Variants in PDE1A observed in about 807,000 individuals in gnomAD.
PDE1A encodes the protein phosphodiesterase 1A, also known as dual specificity calcium/calmodulin-dependent 3',5'-cyclic nucleotide phosphodiesterase 1A.
PDE1A carries 35 observed loss-of-function variants against 61.7 expected under a neutral mutation model. The ratio of observed to expected loss-of-function variants is 0.57; its 90% CI spans 0.43 to 0.75. The LOEUF is 0.75. Ranked by LOEUF, PDE1A falls within the 30% of genes least tolerant of loss-of-function variation. The pLI is 0.00. For missense variants in PDE1A, 597 were observed against 630.6 expected, an observed-to-expected ratio of 0.95 and a Z score of 0.57; for synonymous variants, 232 against 213.2, an observed-to-expected ratio of 1.09 and a Z score of -0.77.
rs1235561155 is a variant in PDE1A at position 182,465,482 on chromosome 2, T to C, written c.101+56794A>G. Reference sequence around the variant, plus strand: ...ATTCAATTAAGAGTTGTAGAATTCCTAATGAACCACAGGAATTAAAAATTT... The same window carrying C: ...ATTCAATTAAGAGTTGTAGAATTCCCAATGAACCACAGGAATTAAAAATTT... On this transcript the variant is annotated intron_variant, in intron 2 of 14. Transcript: ENST00000410103. Among the ~76,000 whole-genome samples the C allele has an allele frequency of 2.1e-4, 32 of 152,084 alleles. 1 individual carries two copies.
At chr2:182,670,835 G>C in the PDE1A span, among the ~76,000 whole-genome samples, 4 of 152,238 alleles carry the variant, frequency 2.6e-5, no homozygotes, top group South Asian at 8.3e-4. Context: ...GAGGCGGGTG[G>C]TGGATGGAAT....
intron 2 of PDE1A, among the ~76,000 whole-genome samples, chr2:182,469,213 A>G (rs956605499): frequency 9.9e-5 from 15 of 151,960 alleles, no homozygotes; most frequent in African/African-American, 3.4e-4. Flanking sequence ...TCTTCTTCCA[A>G]TAGAAATCTG....
intron 13 of PDE1A, among the ~76,000 whole-genome samples, chr2:182,178,534 G>C (rs1308346368): frequency 1.3e-5 from 2 of 152,090 alleles, no homozygotes; most frequent in African/African-American, 4.8e-5. Context: ...TGCATTTTGA[G>C]TTATTTCCGA....
chr2:182,377,855 T>G (rs1700501509), intron 1 of PDE1A, among the ~76,000 whole-genome samples: 1 of 152,054 alleles, frequency 6.6e-6, no homozygotes, highest in South Asian at 2.1e-4. Context: ...TCAGACAGTT[T>G]TTTTTTTTTT....
chr2:182,627,432 A>C, the PDE1A span, among the ~76,000 whole-genome samples: 1 of 128,166 alleles, frequency 7.8e-6, no homozygotes, highest in Non-Finnish European at 1.6e-5. Context: ...ATATTTAAAT[A>C]TATATATATA....
the PDE1A span, among the ~76,000 whole-genome samples, chr2:182,609,467 C>T: frequency 2.0e-5 from 3 of 152,230 alleles, no homozygotes; most frequent in Non-Finnish European, 2.9e-5. Flanking sequence ...TCCACACTTC[C>T]TTTATGAGTT....
At chr2:182,479,564 C>T (rs938602260) in intron 2 of PDE1A, among the ~76,000 whole-genome samples, 4 of 151,472 alleles carry the variant, frequency 2.6e-5, no homozygotes, top group African/African-American at 9.7e-5. Flanking sequence ...GACAGCCAGA[C>T]TTAGGACACA....
At chr2:182,693,612 G>A in the PDE1A span, among the ~76,000 whole-genome samples, 8 of 141,544 alleles carry the variant, frequency 5.7e-5, no homozygotes, top group East Asian at 1.6e-3. Flanking sequence ...TCGGTGTGTT[G>A]TCTGGTCACT....
the PDE1A span, among the ~76,000 whole-genome samples, chr2:182,576,033 G>C: frequency 6.7e-6 from 1 of 150,298 alleles, no homozygotes; most frequent in African/African-American, 2.4e-5. Flanking sequence ...TACATTATCT[G>C]ATTTGCTTTT....
At chr2:182,246,549 G>C (rs1027696769) in intron 2 of PDE1A, among the ~76,000 whole-genome samples, 4 of 151,212 alleles carry the variant, frequency 2.6e-5, no homozygotes, top group Non-Finnish European at 4.4e-5. Context: ...GATTACAGGC[G>C]TGCCACCACA....
chr2:182,422,759 T>A (rs2125589623), intron 1 of PDE1A, among the ~76,000 whole-genome samples: 1 of 152,282 alleles, frequency 6.6e-6, no homozygotes, highest in East Asian at 1.9e-4. Flanking sequence ...TCTCTGGGAA[T>A]ATAGAAACAA....
intron 1 of PDE1A, among the ~76,000 whole-genome samples, chr2:182,271,260 G>A (rs541524258): frequency 6.7e-6 from 1 of 149,466 alleles, no homozygotes; most frequent in South Asian, 2.1e-4. Flanking sequence ...TCATTTCACT[G>A]TATATGTATA....
downstream of PDE1A, among the ~76,000 whole-genome samples, chr2:182,145,482 C>G (rs1380298587): frequency 6.6e-6 from 1 of 152,178 alleles, no homozygotes; most frequent in African/African-American, 2.4e-5. Flanking sequence ...AATCCTAACA[C>G]TTTGGGAGGC....
downstream of PDE1A, among the ~76,000 whole-genome samples, chr2:182,164,258 C>T (rs1574529120): frequency 6.6e-6 from 1 of 152,114 alleles, no homozygotes; most frequent in Non-Finnish European, 1.5e-5. Context: ...ACTCCTTCTA[C>T]ACTGCCTCCT....
At chr2:182,297,297 A>T (rs375880660) in intron 1 of PDE1A, among the ~76,000 whole-genome samples, 6 of 144,716 alleles carry the variant, frequency 4.1e-5, no homozygotes, top group Non-Finnish European at 9.2e-5. Flanking sequence ...AAAAAAAAAA[A>T]TCCTACTAAC....
intron 10 of PDE1A, among the ~76,000 whole-genome samples, chr2:182,198,125 G>T (rs895605510): frequency 6.6e-6 from 1 of 151,638 alleles, no homozygotes; most frequent in African/African-American, 2.4e-5. Context: ...TTAATTAAAG[G>T]TTTCCCCCAA....
intron 7 of PDE1A, among the ~76,000 whole-genome samples, chr2:182,208,199 TAAAG>T (rs1387846103): frequency 6.6e-6 from 1 of 152,112 alleles, no homozygotes; most frequent in Non-Finnish European, 1.5e-5. Context: ...CACAATGTCA[TAAAG>T]ATAGTACCTG....
At chr2:182,333,022 A>G (rs1270581600) in intron 1 of PDE1A, among the ~76,000 whole-genome samples, 1 of 152,238 alleles carries the variant, frequency 6.6e-6, no homozygotes, top group Non-Finnish European at 1.5e-5. Flanking sequence ...TGCAACAAGA[A>G]GAGCTAACTA....
intron 1 of PDE1A, among the ~76,000 whole-genome samples, chr2:182,292,338 A>T (rs1462972443): frequency 6.6e-6 from 1 of 152,000 alleles, no homozygotes; most frequent in Non-Finnish European, 1.5e-5. Flanking sequence ...GTGTCTATAG[A>T]TCTAACAATT....
Sources: allele counts gnomAD v4.1 joint callset (sites outside exome capture counted in the v4.1 genomes callset), GRCh38; gene constraint gnomAD v4.1.1; transcripts MANE v1.5; gene names NCBI Gene and HGNC (gene_info 2026-07-23, HGNC 2026-07-21).